LRRC59: variants seen among roughly 807,000 people sequenced by gnomAD.
The protein encoded by LRRC59 is leucine rich repeat containing 59, also known as leucine-rich repeat-containing protein 59.
A neutral mutation model predicts 33.5 loss-of-function variants in LRRC59; 18 were observed. The ratio of observed to expected loss-of-function variants is 0.54; its 90% CI spans 0.37 to 0.80. The LOEUF (loss-of-function observed/expected upper bound fraction) is 0.80, where lower values mean the gene tolerates loss of function less well. LRRC59 is among the 30% of genes least tolerant of loss of function. The pLI, the probability that LRRC59 is intolerant of heterozygous loss-of-function variation, is 0.00. For synonymous variants in LRRC59, 138 were observed against 160.0 expected (o/e 0.86, Z 1.04); for missense variants, 330 against 391.9 (o/e 0.84, Z 1.33).
Position 50,397,465 on chromosome 17 carries a change from G to T in LRRC59, c.-148C>A. The T allele has an allele frequency of 1.9e-6, 1 of 539,084 alleles. No homozygotes were observed. Among genetic ancestry groups the T allele is most frequent in the Non-Finnish European group, 3.2e-6 (1 of 312,300 alleles). 33.4% of individuals were successfully genotyped at this position (539,084 alleles called of 1,614,324 possible). A position where few individuals can be genotyped will look rare whatever the true frequency, so the allele number is the denominator to read the frequency against. On this transcript the variant is annotated 5_prime_UTR_variant, in exon 1 of 7. Coordinates refer to ENST00000225972, the MANE Select transcript of LRRC59 (RefSeq NM_018509.4). ...GATGCGAGACCGCCTCCGCCCGCTGGCCGCACTCCGAGCCTCGCGCCTAGC... is the reference window on the plus strand; with the variant it reads ...GATGCGAGACCGCCTCCGCCCGCTGTCCGCACTCCGAGCCTCGCGCCTAGC...
At chr17:50,392,645 G>T (rs937125294) in intron 3 of LRRC59, 94 bp downstream of exon 3, 4 of 1,540,748 alleles carry the variant, frequency 2.6e-6, no homozygotes, top group African/African-American at 1.4e-5. Context: ...GACCAACAAG[G>T]GGGTATTTCT....
intron 5 of LRRC59, among the ~76,000 whole-genome samples, chr17:50,387,807 A>C (rs1042111501): frequency 4.6e-5 from 7 of 152,208 alleles, no homozygotes; most frequent in African/African-American, 1.7e-4. Flanking sequence ...GCCACATTTC[A>C]TATGAATGCC....
At chr17:50,393,997 C>T (rs1403001513) in intron 2 of LRRC59, among the ~76,000 whole-genome samples, 2 of 152,188 alleles carry the variant, frequency 1.3e-5, no homozygotes, top group African/African-American at 4.8e-5. Flanking sequence ...ACATATTCTT[C>T]TTTTATTCAA....
At position 50,388,150 on chromosome 17, in the gene LRRC59, G is replaced by A. The variant is rs186259974; in HGVS notation, c.430-18C>T. On this transcript the variant is annotated intron_variant, in intron 4 of 6. Transcript: ENST00000225972. The stretch of plus-strand genomic sequence containing the variant: ...TGTAACACCTGCAAAGGAAAAGGAG[G>A]AAAGTAGTGCTCTTCATAGTCATGT... 3.6e-3 allele frequency: 5,750 copies of A among 1,611,682 alleles called. 18 individuals are homozygous for A. Among genetic ancestry groups the A allele is most frequent in the Non-Finnish European group, 4.3e-3 (5,037 of 1,177,842 alleles).
In LRRC59 at chr17:50,381,829, C is replaced by A. The variant is rs898691818; in HGVS notation, c.*1159G>T. ...ACAGTGTGATCCTTGTTTGTGCTAGCCATTGGGTGATGCACCACTTTTCAG... is the reference window on the plus strand; with the variant it reads ...ACAGTGTGATCCTTGTTTGTGCTAGACATTGGGTGATGCACCACTTTTCAG... On this transcript the variant is annotated 3_prime_UTR_variant, in exon 7 of 7. Coordinates refer to ENST00000225972, the MANE Select transcript of LRRC59 (RefSeq NM_018509.4). 7.2e-5 allele frequency: 11 copies of A among 152,672 alleles called. No individual in the cohort carries two copies. Among genetic ancestry groups the A allele is most frequent in the Admixed American group, 5.9e-4 (9 of 15,286 alleles). 9.5% of individuals were successfully genotyped at this position (152,672 alleles called of 1,614,324 possible). A position where few individuals can be genotyped will look rare whatever the true frequency, so the allele number is the denominator to read the frequency against.
At chr17:50,396,534 G>C (rs1427622472) in intron 1 of LRRC59, 1 of 152,330 alleles carries the variant, frequency 6.6e-6, no homozygotes, top group African/African-American at 2.4e-5. Flanking sequence ...GCGCGGGTGG[G>C]AGGGGGAACG....
chr17:50,396,870 T>C, intron 1 of LRRC59: 2 of 368,738 alleles, frequency 5.4e-6, no homozygotes, highest in Admixed American at 9.2e-5. Context: ...CATTCTCGAA[T>C]ACATCCAGTA....
rs143961392 is a variant in LRRC59 at position 50,391,837 on chromosome 17, C to T, written c.429+561G>A. On this transcript the variant is annotated intron_variant, in intron 4 of 6. Transcript: ENST00000225972. ...GTCCACACAGTGTCATGTTGCATCA[C>T]GCAAGGTCCCGGCTCCTTAAGAGAG... 3.5e-3 allele frequency among the ~76,000 whole-genome samples: 537 copies of T among 152,332 alleles called. 5 individuals carry two copies. The highest frequency in any genetic ancestry group is 0.013 in the African/African-American group (521 of 41,580).
At chr17:50,388,349 G>A (rs1263608735) in intron 4 of LRRC59, among the ~76,000 whole-genome samples, 1 of 152,244 alleles carries the variant, frequency 6.6e-6, no homozygotes, top group Non-Finnish European at 1.5e-5. Flanking sequence ...GACAAGCCTC[G>A]GCAACATAAT....
At position 50,382,362 on chromosome 17, in the gene LRRC59, AG is replaced by A. The variant is rs1225340298; in HGVS notation, c.*625del. On this transcript the variant is annotated 3_prime_UTR_variant, in exon 7 of 7. Coordinates refer to ENST00000225972, the MANE Select transcript of LRRC59 (RefSeq NM_018509.4). The stretch of plus-strand genomic sequence containing the variant: ...TGGGAATCCAGTTTTGCCTCAAACT[AG>A]CTGGGAGACTAGGCAAGTCATGGAA... The A allele has an allele frequency of 2.0e-5, 3 of 152,572 alleles. No individual in the cohort carries two copies. The highest frequency in any genetic ancestry group is 7.2e-5 in the African/African-American group (3 of 41,456). 9.5% of individuals were successfully genotyped at this position (152,572 alleles called of 1,614,324 possible).
At chr17:50,386,565 C>T (rs993021794) in intron 5 of LRRC59, among the ~76,000 whole-genome samples, 1 of 152,178 alleles carries the variant, frequency 6.6e-6, no homozygotes, top group African/African-American at 2.4e-5. Flanking sequence ...TAGAAACAAG[C>T]TCCAAGTTCC....
chr17:50,383,310 C>A, intron 6 of LRRC59, 75 bp from the exon 7 acceptor site: 1 of 1,482,932 alleles, frequency 6.7e-7, no homozygotes. Context: ...CTGCTAGTCT[C>A]CTCCGTGCAG....
At position 50,397,382 on chromosome 17, in the gene LRRC59, C is replaced by A; in HGVS notation, c.-65G>T. On this transcript the variant is annotated 5_prime_UTR_variant, in exon 1 of 7. Coordinates refer to ENST00000225972, the MANE Select transcript of LRRC59 (RefSeq NM_018509.4). Reference sequence around the variant, plus strand: ...GCGGGTGAAAGGAGCTGAAATGTCGCTTGTCAGTTCAGCGGCCCCCCACCC... The same window carrying A: ...GCGGGTGAAAGGAGCTGAAATGTCGATTGTCAGTTCAGCGGCCCCCCACCC... 2 of 1,306,828 alleles carry A rather than the reference C, an allele frequency of 1.5e-6. No homozygotes were observed. Among genetic ancestry groups the A allele is most frequent in the Non-Finnish European group, 2.1e-6 (2 of 939,930 alleles). 81.0% of individuals were successfully genotyped at this position (1,306,828 alleles called of 1,614,324 possible).
intron 1 of LRRC59, 59 bp from the exon 2 acceptor site, chr17:50,395,047 A>T (rs779475424): frequency 5.9e-6 from 7 of 1,187,896 alleles, no homozygotes; most frequent in Non-Finnish European, 8.8e-6. Context: ...ATTCACTGAC[A>T]TATGTTAATG....
At chr17:50,393,271 T>C (rs556643317) in intron 2 of LRRC59, among the ~76,000 whole-genome samples, 16 of 152,282 alleles carry the variant, frequency 1.1e-4, no homozygotes, top group African/African-American at 3.6e-4. Context: ...AAGATATGTA[T>C]GGAAAAGGGC....
intron 1 of LRRC59, 74 bp from the exon 2 acceptor site, chr17:50,395,062 A>G: frequency 9.9e-7 from 1 of 1,014,414 alleles, no homozygotes. Flanking sequence ...TTAATGAAGC[A>G]TTTTCCAGAG....
chr17:50,392,766 G>A lies in LRRC59; in HGVS notation c.297C>T (p.Thr99=). 1 of 1,614,208 alleles carries A rather than the reference G, an allele frequency of 6.2e-7. No homozygotes were observed. Among genetic ancestry groups the A allele is most frequent in the Non-Finnish European group, 8.5e-7 (1 of 1,180,040 alleles). Reference sequence around the variant, plus strand: ...TGAGCTGAGCAAAGCTGACAGGCAAGGTGACCAGCTTGTTGTTGAGGAGAT... The same window carrying A: ...TGAGCTGAGCAAAGCTGACAGGCAAAGTGACCAGCTTGTTGTTGAGGAGAT... ...HLDLLNNKLV[T]LPVSFAQLKN... The change falls in exon 3 of 7, where the codon ACC becomes ACT. Residue 99 remains threonine (T), a synonymous_variant. Coordinates refer to ENST00000225972, the MANE Select transcript of LRRC59 (RefSeq NM_018509.4).
chr17:50,390,008 G>T (rs948065189), intron 4 of LRRC59, among the ~76,000 whole-genome samples: 3 of 150,084 alleles, frequency 2.0e-5, no homozygotes, highest in African/African-American at 7.4e-5. Flanking sequence ...TGAGGCAGGA[G>T]AATCTCTTGA....
rs150048739 is a variant in LRRC59 at position 50,392,414 on chromosome 17, T to C, written c.413A>G (p.Lys138Arg). The C allele has an allele frequency of 2.5e-5, 41 of 1,614,054 alleles. No individual in the cohort carries two copies. The African/African-American group carries it at 2.8e-4, about 11-fold the overall frequency. Residue 138 changes from lysine to arginine, a missense_variant, in exon 4 of 7, where the codon AAG becomes AGG. Coordinates refer to ENST00000225972, the MANE Select transcript of LRRC59 (RefSeq NM_018509.4). ...GGTGCTTACCTTGTTTGCACACTGC[T>C]TACACTGCTTCTCATCCAAGCAGTC... ...AGDCLDEKQC[K>R]QCANKVLQHM...
Sources: gnomAD v4.1 joint callset for allele counts (sites outside exome capture counted in the v4.1 genomes callset) on GRCh38, gnomAD v4.1.1 for gene constraint, MANE v1.5 for transcripts, NCBI Gene and HGNC (gene_info 2026-07-23, HGNC 2026-07-21) for gene names.